Variants in KLF13 observed in about 807,000 individuals in gnomAD.
The protein encoded by KLF13 is Krueppel-like factor 13.
Under a neutral mutation model 16.7 loss-of-function variants are expected in KLF13, and 8 were observed. The observed-to-expected ratio is 0.48, with a 90% CI of 0.28 to 0.87. The LOEUF (loss-of-function observed/expected upper bound fraction) is 0.87, where lower values mean the gene tolerates loss of function less well. KLF13 is among the 40% of genes least tolerant of loss of function. KLF13 has a pLI of 0.10. For synonymous variants in KLF13, 245 were observed against 208.4 expected, an observed-to-expected ratio of 1.18 and a Z score of -1.51; for missense variants, 447 against 452.2, an observed-to-expected ratio of 0.99 and a Z score of 0.10.
intron 1 of KLF13, among the ~76,000 whole-genome samples, chr15:31,428,550 T>C (rs1193853215): frequency 6.6e-6 from 1 of 151,956 alleles, no homozygotes; most frequent in East Asian, 1.9e-4. Flanking sequence ...CTCACGCCTG[T>C]CATCCCAGCA....
intron 1 of KLF13, among the ~76,000 whole-genome samples, chr15:31,431,525 C>T (rs929567579): frequency 3.3e-5 from 5 of 151,962 alleles, no homozygotes; most frequent in Non-Finnish European, 5.9e-5. Context: ...AGTGCAGTGG[C>T]GTGCTCTCGG....
chr15:31,334,689 A>C (rs1020989867), intron 1 of KLF13, among the ~76,000 whole-genome samples: 1 of 152,124 alleles, frequency 6.6e-6, no homozygotes, highest in Non-Finnish European at 1.5e-5. Flanking sequence ...CGGCCTCCCA[A>C]AGTGCTGGGA....
chr15:31,347,716 C>T (rs1012954989), intron 1 of KLF13, among the ~76,000 whole-genome samples: 18 of 152,224 alleles, frequency 1.2e-4, no homozygotes, highest in African/African-American at 4.3e-4. Flanking sequence ...CAAAGGCTCC[C>T]ATCCTGCCAT....
downstream of KLF13, among the ~76,000 whole-genome samples, chr15:31,405,188 C>G (rs758688722): frequency 6.6e-6 from 1 of 152,142 alleles, no homozygotes; most frequent in Non-Finnish European, 1.5e-5. Context: ...GTGGTGTGCG[C>G]CTGTAATTCC....
intron 1 of KLF13, among the ~76,000 whole-genome samples, chr15:31,427,279 A>T (rs1193412970): frequency 6.6e-6 from 1 of 152,154 alleles, no homozygotes; most frequent in African/African-American, 2.4e-5. Flanking sequence ...TGCAAATGAA[A>T]ACCACAGTGA....
chr15:31,405,627 T>C (rs531377359), downstream of KLF13, among the ~76,000 whole-genome samples: 5 of 152,292 alleles, frequency 3.3e-5, no homozygotes, highest in Non-Finnish European at 7.3e-5. Context: ...TTCGGTAGTT[T>C]GGTCTTTTTG....
At chr15:31,333,895 A>C (rs933319915) in intron 1 of KLF13, among the ~76,000 whole-genome samples, 9 of 152,200 alleles carry the variant, frequency 5.9e-5, no homozygotes, top group Non-Finnish European at 1.3e-4. Context: ...GGTCTGGTTT[A>C]AACAAATTTT....
chr15:31,356,639 A>G (rs2039304486), intron 1 of KLF13, among the ~76,000 whole-genome samples: 1 of 152,242 alleles, frequency 6.6e-6, no homozygotes, highest in African/African-American at 2.4e-5. Context: ...TTTAAGGCTT[A>G]TATGTCTGGA....
downstream of KLF13, among the ~76,000 whole-genome samples, chr15:31,382,455 A>G (rs371291979): frequency 6.6e-6 from 1 of 152,156 alleles, no homozygotes; most frequent in African/African-American, 2.4e-5. Flanking sequence ...CTGCCTTTTA[A>G]GCTCTGAGTT....
rs1566848033 is a variant in KLF13, at chr15:31,423,095, A to ATATATG, written n.118-12271_118-12270insTGTATA. Among the ~76,000 whole-genome samples, 10 of 139,408 alleles carry ATATATG rather than the reference A, an allele frequency of 7.2e-5. 1 individual carries two copies. The highest frequency in any genetic ancestry group is 1.4e-4 in the Non-Finnish European group (9 of 64,588). 91.5% of individuals were successfully genotyped at this position (139,408 alleles called of 152,430 possible). ...ATAACAATTACATATATATACGTAT[A>ATATATG]TATACGTATACGTATACGTATATAT... is the stretch of plus-strand genomic sequence containing the variant. On this transcript the variant is annotated intron_variant and non_coding_transcript_variant, in intron 1 of 1. Coordinates refer to the KLF13 transcript ENST00000558225.
chr15:31,387,470 C>T (rs1323002537), intron 1 of KLF13, among the ~76,000 whole-genome samples: 2 of 151,954 alleles, frequency 1.3e-5, no homozygotes, highest in African/African-American at 2.4e-5. Flanking sequence ...TGCTATTGCA[C>T]ACTTAATAGG....
At chr15:31,430,850 G>T (rs1709355426) in intron 1 of KLF13, among the ~76,000 whole-genome samples, 1 of 152,168 alleles carries the variant, frequency 6.6e-6, no homozygotes, top group South Asian at 2.1e-4. Context: ...AGACCTTGAA[G>T]TCATAGGCAC....
At chr15:31,386,973 C>T (rs373514293) in intron 1 of KLF13, among the ~76,000 whole-genome samples, 7 of 152,282 alleles carry the variant, frequency 4.6e-5, no homozygotes, top group East Asian at 3.9e-4. Context: ...GACTCCTTTC[C>T]GATGAAACTT....
rs1367326199 is a variant in KLF13, at chr15:31,339,796, C to T, written c.577+12007C>T. On this transcript the variant is annotated intron_variant, in intron 1 of 1. Coordinates refer to ENST00000307145, the MANE Select transcript of KLF13 (RefSeq NM_015995.4). ...TCACCTAGGTAGCCTGGGCTGGCTG[C>T]GCCCAGTGGATGTCCTCCCGCCCCC... The T allele has an allele frequency of 1.7e-4, 105 of 611,398 alleles. No individual in the cohort carries two copies. In the East Asian group the frequency reaches 2.3e-3, roughly 13 times the overall value. The allele number at this position is 611,398 out of a possible 1,614,324, so 37.9% of individuals were successfully genotyped here. A position where few individuals can be genotyped will look rare whatever the true frequency, so the allele number is the denominator to read the frequency against.
exon 2 of KLF13, chr15:31,435,544 C>G (rs1411654931): frequency 6.6e-6 from 1 of 152,196 alleles, no homozygotes; most frequent in Non-Finnish European, 1.5e-5. Context: ...GTCTCCACCC[C>G]CAGACCTTCC....
At chr15:31,418,345 T>C (rs555815986) in intron 1 of KLF13, among the ~76,000 whole-genome samples, 1 of 152,172 alleles carries the variant, frequency 6.6e-6, no homozygotes, top group African/African-American at 2.4e-5. Context: ...GTATATTAAA[T>C]CTAAAGAAAG....
intron 1 of KLF13, among the ~76,000 whole-genome samples, chr15:31,332,582 A>G (rs1028748978): frequency 2.0e-5 from 3 of 152,236 alleles, no homozygotes; most frequent in Admixed American, 6.5e-5. Context: ...TCATTAAACC[A>G]GTAGCCTGTG....
intron 1 of KLF13, among the ~76,000 whole-genome samples, chr15:31,425,092 CTT>C (rs1305945964): frequency 6.6e-6 from 1 of 151,820 alleles, no homozygotes; most frequent in African/African-American, 2.4e-5. Flanking sequence ...AGGTGAAAGA[CTT>C]ATATACTGAA....
downstream of KLF13, among the ~76,000 whole-genome samples, chr15:31,405,692 C>G (rs549136739): frequency 1.3e-5 from 2 of 152,174 alleles, no homozygotes; most frequent in African/African-American, 4.8e-5. Context: ...GTGACTCACC[C>G]GACTAAGCAG....
Sources: allele counts gnomAD v4.1 joint callset (sites outside exome capture counted in the v4.1 genomes callset), GRCh38; gene constraint gnomAD v4.1.1; transcripts MANE v1.5; gene names NCBI Gene and HGNC (gene_info 2026-07-23, HGNC 2026-07-21).